The following ANKS1B variants were observed in gnomAD, a reference collection of about 807,000 sequenced individuals.
ANKS1B encodes the protein ankyrin repeat and sterile alpha motif domain-containing protein 1B.
ANKS1B carries 36 observed loss-of-function variants against 148.3 expected under a neutral mutation model. The ratio of observed to expected loss-of-function variants is 0.24; its 90% CI spans 0.19 to 0.32. The LOEUF (loss-of-function observed/expected upper bound fraction) is 0.32, where lower values mean the gene tolerates loss of function less well. ANKS1B is among the 10% of genes least tolerant of loss of function. The pLI is 1.00. For synonymous variants in ANKS1B, 542 were observed against 560.8 expected (o/e 0.97, Z 0.47); for missense variants, 1,157 against 1,542.6 (o/e 0.75, Z 4.19).
At chr12:99,412,260 C>T (rs577469661) in intron 11 of ANKS1B, among the ~76,000 whole-genome samples, 7 of 152,208 alleles carry the variant, frequency 4.6e-5, no homozygotes, top group Admixed American at 1.3e-4. Context: ...TTTTCCTCAA[C>T]CATCTGGTGT....
At chr12:99,180,956 C>T (rs1197411965) in intron 14 of ANKS1B, among the ~76,000 whole-genome samples, 2 of 152,162 alleles carry the variant, frequency 1.3e-5, no homozygotes, top group African/African-American at 4.8e-5. Flanking sequence ...GATGTCCTGT[C>T]CCATATCTGG....
chr12:99,065,068 G>A (rs894523281), intron 16 of ANKS1B, among the ~76,000 whole-genome samples: 1 of 152,072 alleles, frequency 6.6e-6, no homozygotes, highest in African/African-American at 2.4e-5. Context: ...GCTGAACAAT[G>A]TTCACTAGCA....
At chr12:99,625,624 GT>G (rs1390073523) in intron 9 of ANKS1B, among the ~76,000 whole-genome samples, 2 of 152,124 alleles carry the variant, frequency 1.3e-5, no homozygotes, top group Non-Finnish European at 2.9e-5. Context: ...ACAAATGTTG[GT>G]TTTAGGATTC....
At chr12:99,046,440 C>T (rs918554049) in intron 17 of ANKS1B, among the ~76,000 whole-genome samples, 3 of 152,144 alleles carry the variant, frequency 2.0e-5, no homozygotes, top group Admixed American at 6.5e-5. Context: ...GTAACTGTAA[C>T]TGTATTCCAT....
In ANKS1B at chr12:99,404,487, G is replaced by A. The variant is rs1014807225; in HGVS notation, c.1576-4676C>T. Among the ~76,000 whole-genome samples the A allele has an allele frequency of 5.5e-5, 8 of 145,690 alleles. 1 individual carries two copies. The highest frequency in any genetic ancestry group is 2.1e-4 in the African/African-American group (8 of 38,332). On this transcript the variant is annotated intron_variant, in intron 11 of 26. Transcript: ENST00000683438. ...AGAATCAAGCAGAAATTCTGGAGCT[G>A]AAAAATGCAACTGGTATACTGAAGA... is the stretch of plus-strand genomic sequence containing the variant.
intron 14 of ANKS1B, among the ~76,000 whole-genome samples, chr12:99,174,601 G>A (rs537784870): frequency 6.6e-6 from 1 of 152,108 alleles, no homozygotes; most frequent in South Asian, 2.1e-4. Flanking sequence ...TAATCTTGGT[G>A]GTATTGGAAG....
In ANKS1B at chr12:99,316,140, T is replaced by C. The variant is rs979380983; in HGVS notation, c.1757-69276A>G. Among the ~76,000 whole-genome samples, 3 of 152,216 alleles carry C rather than the reference T, an allele frequency of 2.0e-5. No homozygotes were observed. The South Asian group carries it at 6.2e-4, about 31-fold the overall frequency. ...GTGCCACAATAAACATACGTGTGCA[T>C]GTGTCTTTATAGCAGCATGATTTAT... On this transcript the variant is annotated intron_variant, in intron 12 of 26. Transcript: ENST00000683438.
rs187069610 is a variant in ANKS1B, at chr12:99,678,584, T to C, written c.1129-23374A>G. Among the ~76,000 whole-genome samples the C allele has an allele frequency of 3.3e-5, 5 of 152,276 alleles. No homozygotes were observed. The East Asian group carries it at 9.6e-4, about 29-fold the overall frequency. On this transcript the variant is annotated intron_variant, in intron 8 of 26. Transcript: ENST00000683438. ...GCCCAAGTGTCCCTTTACACTGTAG[T>C]GTTGGGCTAAGTACAATCCATCCCT...
intron 17 of ANKS1B, among the ~76,000 whole-genome samples, chr12:98,942,718 T>C (rs1319411480): frequency 6.6e-6 from 1 of 152,226 alleles, no homozygotes; most frequent in African/African-American, 2.4e-5. Flanking sequence ...GAAGTAAATA[T>C]TTGTTCAATA....
intron 12 of ANKS1B, among the ~76,000 whole-genome samples, chr12:99,289,740 C>T (rs1190668347): frequency 6.6e-6 from 1 of 151,700 alleles, no homozygotes; most frequent in Non-Finnish European, 1.5e-5. Context: ...GGAAACACAA[C>T]ATATCAAAAT....
At position 99,517,983 on chromosome 12, in the gene ANKS1B, G is replaced by GT. The variant is rs144757625; in HGVS notation, c.1273-13343dup. Among the ~76,000 whole-genome samples, 879 of 152,172 alleles carry GT rather than the reference G, an allele frequency of 5.8e-3. 4 individuals are homozygous for GT. The highest frequency in any genetic ancestry group is 0.02 in the African/African-American group (834 of 41,528). The stretch of plus-strand genomic sequence containing the variant: ...CAGCATCAATTGAAATGATCATATG[G>GT]TTTTTATCCTTTATTCTGTTGATAT... On this transcript the variant is annotated intron_variant, in intron 9 of 26. Coordinates refer to ENST00000683438, the MANE Select transcript of ANKS1B (RefSeq NM_001352186.2).
chr12:99,078,410 A>G (rs185044318), intron 16 of ANKS1B, among the ~76,000 whole-genome samples: 212 of 152,314 alleles, frequency 1.4e-3, no homozygotes, highest in African/African-American at 4.8e-3. Context: ...TATCACTTAG[A>G]TCAGTGATGT....
chr12:99,120,260 C>T (rs1336865325), intron 15 of ANKS1B, among the ~76,000 whole-genome samples: 2 of 152,204 alleles, frequency 1.3e-5, no homozygotes, highest in Non-Finnish European at 2.9e-5. Context: ...AACAAGCAAA[C>T]TCCACGCAGA....
At chr12:98,794,430 CT>C in intron 22 of ANKS1B, 1 of 205,272 alleles carries the variant, frequency 4.9e-6, no homozygotes, top group Non-Finnish European at 9.7e-6. Context: ...AAAAGACTTC[CT>C]CTCAAGCTTG....
chr12:99,338,761 T>C (rs1369847570), intron 12 of ANKS1B, among the ~76,000 whole-genome samples: 1 of 152,128 alleles, frequency 6.6e-6, no homozygotes, highest in Non-Finnish European at 1.5e-5. Context: ...CTGGATGATG[T>C]CCTTCCCTTC....
chr12:98,846,098 A>G (rs758337908), intron 17 of ANKS1B, among the ~76,000 whole-genome samples: 16 of 151,938 alleles, frequency 1.1e-4, no homozygotes, highest in Non-Finnish European at 1.9e-4. Flanking sequence ...TCTTCCCTAG[A>G]TATCTGGAAT....
chr12:99,610,390 GGGTCTT>G (rs2097891449), intron 9 of ANKS1B, among the ~76,000 whole-genome samples: 1 of 152,076 alleles, frequency 6.6e-6, no homozygotes, highest in Non-Finnish European at 1.5e-5. Flanking sequence ...TCTGAAATGA[GGGTCTT>G]GTGACCTACC....
At chr12:99,307,744 G>C (rs1191834345) in intron 12 of ANKS1B, among the ~76,000 whole-genome samples, 1 of 151,250 alleles carries the variant, frequency 6.6e-6, no homozygotes, top group African/African-American at 2.4e-5. Context: ...GAATTGACAT[G>C]CTGATATAAG....
chr12:99,271,836 T>C (rs973078478), intron 12 of ANKS1B, among the ~76,000 whole-genome samples: 4 of 151,758 alleles, frequency 2.6e-5, no homozygotes, highest in Admixed American at 1.3e-4. Context: ...GATTGGGTAA[T>C]AGCTGGAGGT....
Sources: gnomAD v4.1 joint callset for allele counts (sites outside exome capture counted in the v4.1 genomes callset) on GRCh38, gnomAD v4.1.1 for gene constraint, MANE v1.5 for transcripts, NCBI Gene and HGNC (gene_info 2026-07-23, HGNC 2026-07-21) for gene names.